PDE4D: variants seen among roughly 807,000 people sequenced by gnomAD.
PDE4D encodes phosphodiesterase 4D, also known as 3',5'-cyclic-AMP phosphodiesterase 4D.
In PDE4D, 24 loss-of-function variants were observed where a neutral mutation model predicts 87.4. The observed-to-expected ratio is 0.27, with a 90% CI of 0.20 to 0.39. The LOEUF (loss-of-function observed/expected upper bound fraction) is 0.39. PDE4D is among the 10% of genes least tolerant of loss of function. The pLI is 1.00. For missense variants in PDE4D, 714 were observed against 1,041.0 expected, an observed-to-expected ratio of 0.69 and a Z score of 4.32; for synonymous variants, 384 against 383.2, an observed-to-expected ratio of 1.00 and a Z score of -0.02.
chr5:59,407,689 T>C (rs1194348261), intron 1 of PDE4D, among the ~76,000 whole-genome samples: 1 of 152,222 alleles, frequency 6.6e-6, no homozygotes, highest in South Asian at 2.1e-4. Flanking sequence ...AGTGAGGAAC[T>C]TATTGAGAAC....
In PDE4D at chr5:60,431,874, C is replaced by T. The variant is rs1744349706; in HGVS notation, c.-90+56068G>A. On this transcript the variant is annotated intron_variant, in intron 1 of 16. Coordinates refer to the PDE4D transcript ENST00000502484. ...TCACTCGCGGTTAGGAGCTGGAGAC[C>T]AGCCCGGCCAACACAGCGAAACCCC... Among the ~76,000 whole-genome samples the T allele has an allele frequency of 2.6e-5, 4 of 152,244 alleles. No homozygotes were observed. The South Asian group carries it at 8.3e-4, about 31-fold the overall frequency.
At chr5:59,946,887 C>G (rs1036579394) in intron 3 of PDE4D, among the ~76,000 whole-genome samples, 4 of 152,160 alleles carry the variant, frequency 2.6e-5, no homozygotes, top group Non-Finnish European at 5.9e-5. Context: ...AGTATTTATT[C>G]TGGTCCATCG....
chr5:60,114,369 A>C (rs1400390679), intron 2 of PDE4D, among the ~76,000 whole-genome samples: 1 of 152,114 alleles, frequency 6.6e-6, no homozygotes, highest in East Asian at 1.9e-4. Flanking sequence ...CTCACTTGTA[A>C]TTGGTCATTA....
At chr5:60,233,090 A>G (rs532428035) in intron 1 of PDE4D, among the ~76,000 whole-genome samples, 14 of 151,830 alleles carry the variant, frequency 9.2e-5, no homozygotes, top group African/African-American at 3.4e-4. Flanking sequence ...GTGAAATCTC[A>G]TGGGAATAAG....
intron 1 of PDE4D, among the ~76,000 whole-genome samples, chr5:59,759,394 GAAC>G (rs1294858145): frequency 6.6e-6 from 1 of 152,104 alleles, no homozygotes; most frequent in Non-Finnish European, 1.5e-5. Context: ...CAGCTCGTAC[GAAC>G]AGGCTTCACA....
chr5:60,123,694 G>A (rs1230795248), intron 2 of PDE4D, among the ~76,000 whole-genome samples: 2 of 151,980 alleles, frequency 1.3e-5, no homozygotes, highest in Non-Finnish European at 2.9e-5. Flanking sequence ...AGGGAAAGAA[G>A]GAACAGATGT....
chr5:60,282,208 C>CATATATATATATATATATATAT (rs140298004), intron 1 of PDE4D, among the ~76,000 whole-genome samples: 102 of 128,362 alleles, frequency 7.9e-4, no homozygotes, highest in Middle Eastern at 4.3e-3. Context: ...GAGAAATAAA[C>CATATATATATATATATATATAT]ATATATATAT....
intron 12 of PDE4D, among the ~76,000 whole-genome samples, chr5:58,976,987 AT>A (rs1743967244): frequency 1.3e-5 from 2 of 152,174 alleles, no homozygotes; most frequent in Non-Finnish European, 2.9e-5. Context: ...GTGAGCTGAC[AT>A]TATTCTCAAG....
intron 1 of PDE4D, among the ~76,000 whole-genome samples, chr5:60,340,867 T>C (rs920929335): frequency 2.7e-5 from 4 of 150,842 alleles, no homozygotes; most frequent in South Asian, 2.2e-4. Context: ...TTTGTTCCTC[T>C]GTATGTAATA....
At chr5:59,807,544 G>A (rs952956441) in intron 1 of PDE4D, among the ~76,000 whole-genome samples, 7 of 152,218 alleles carry the variant, frequency 4.6e-5, no homozygotes, top group Non-Finnish European at 1.0e-4. Context: ...GACAGAGCCA[G>A]ATGGGAAGAG....
chr5:59,392,162 C>T (rs1788365295), intron 1 of PDE4D, among the ~76,000 whole-genome samples: 1 of 151,460 alleles, frequency 6.6e-6, no homozygotes, highest in Non-Finnish European at 1.5e-5. Context: ...AAGTATTGAT[C>T]CTGGGTGTGT....
At chr5:59,114,546 G>A (rs1436301780) in intron 5 of PDE4D, among the ~76,000 whole-genome samples, 1 of 152,018 alleles carries the variant, frequency 6.6e-6, no homozygotes, top group Non-Finnish European at 1.5e-5. Context: ...ATAAATTTAG[G>A]GGCTTTCAGC....
At chr5:59,648,200 G>C (rs1238449604) in intron 1 of PDE4D, among the ~76,000 whole-genome samples, 5 of 152,118 alleles carry the variant, frequency 3.3e-5, no homozygotes, top group South Asian at 2.1e-4. Flanking sequence ...TCACGAGAGA[G>C]AGAAAAAGAA....
At position 60,260,445 on chromosome 5, in the gene PDE4D, CA is replaced by C. The variant is rs1481624021; in HGVS notation, c.-89-74759del. On this transcript the variant is annotated intron_variant, in intron 1 of 16. Transcript: ENST00000502484. ...AACTGACAGAACCAGCATATTTTAA[CA>C]CAGAGCAGGGGAATACTAGCAATGC... Among the ~76,000 whole-genome samples, 4 of 152,026 alleles carry C rather than the reference CA, an allele frequency of 2.6e-5. No homozygotes were observed. The East Asian group carries it at 7.7e-4, about 29-fold the overall frequency.
intron 1 of PDE4D, among the ~76,000 whole-genome samples, chr5:59,359,077 G>T (rs1262750809): frequency 6.6e-6 from 1 of 152,128 alleles, no homozygotes; most frequent in Admixed American, 6.5e-5. Context: ...AAATTTAATG[G>T]ATATCTAATT....
At chr5:60,114,088 T>C (rs544083527) in intron 2 of PDE4D, among the ~76,000 whole-genome samples, 2 of 152,300 alleles carry the variant, frequency 1.3e-5, no homozygotes, top group East Asian at 3.9e-4. Context: ...ATGGGTAACC[T>C]ATGTGGATAA....
chr5:58,986,373 G>A (rs952186320), intron 11 of PDE4D, among the ~76,000 whole-genome samples: 1 of 152,184 alleles, frequency 6.6e-6, no homozygotes, highest in African/African-American at 2.4e-5. Context: ...TCCTCCAGGT[G>A]CCAGTCAAAG....
At chr5:59,992,113 A>G (rs1763067380) in intron 2 of PDE4D, among the ~76,000 whole-genome samples, 2 of 152,158 alleles carry the variant, frequency 1.3e-5, no homozygotes, top group Non-Finnish European at 2.9e-5. Context: ...GCTCTCGATC[A>G]TCAGACTCCT....
At chr5:59,562,660 G>A (rs570579070) in intron 1 of PDE4D, among the ~76,000 whole-genome samples, 2 of 152,298 alleles carry the variant, frequency 1.3e-5, no homozygotes, top group Admixed American at 6.5e-5. Flanking sequence ...TTAAAGTACA[G>A]TATATATACC....
Sources: allele counts gnomAD v4.1 joint callset (sites outside exome capture counted in the v4.1 genomes callset), GRCh38; gene constraint gnomAD v4.1.1; transcripts MANE v1.5; gene names NCBI Gene and HGNC (gene_info 2026-07-23, HGNC 2026-07-21).